Variants in NVL observed in about 807,000 individuals in gnomAD.
NVL encodes nuclear valosin-containing protein-like.
In NVL, 84 loss-of-function variants were observed where a neutral mutation model predicts 110.2. That is an observed-to-expected ratio of 0.76 (90% CI 0.64 to 0.91). NVL has a LOEUF of 0.91. NVL is among the 40% of genes least tolerant of loss of function. The probability of loss-of-function intolerance (pLI) is 0.00; values close to 1 mark genes in which losing one functional copy is unlikely to be tolerated. For missense variants in NVL, 882 were observed against 1,035.9 expected, an observed-to-expected ratio of 0.85 and a Z score of 2.04; for synonymous variants, 354 against 361.1, an observed-to-expected ratio of 0.98 and a Z score of 0.22.
intron 6 of NVL, among the ~76,000 whole-genome samples, chr1:224,307,684 G>C (rs1235682182): frequency 9.0e-6 from 1 of 111,502 alleles, no homozygotes; most frequent in East Asian, 2.7e-4. Flanking sequence ...CAGCGACAGA[G>C]CCAGACCCAG....
chr1:224,316,673 A>AAG (rs1553336869), intron 4 of NVL, among the ~76,000 whole-genome samples: 1 of 151,194 alleles, frequency 6.6e-6, no homozygotes, highest in Non-Finnish European at 1.5e-5. Flanking sequence ...AAAAAAAAAA[A>AAG]AAAAAGAAAA....
At chr1:224,305,522 T>A (rs1470490192) in intron 6 of NVL, 2 of 168,094 alleles carry the variant, frequency 1.2e-5, no homozygotes, top group Non-Finnish European at 2.5e-5. Flanking sequence ...AACATTTGAA[T>A]GCCGCTTCTT....
At position 224,300,605 on chromosome 1, in the gene NVL, C is replaced by G; in HGVS notation, c.1019G>C (p.Gly340Ala). The G allele has an allele frequency of 6.2e-7, 1 of 1,614,080 alleles. No individual in the cohort carries two copies. Among genetic ancestry groups the G allele is most frequent in the Non-Finnish European group, 8.5e-7 (1 of 1,179,952 alleles). The change falls in exon 10 of 23, where the codon GGA becomes GCA. Residue 340 changes from glycine (G) to alanine (A), a missense_variant. Coordinates refer to ENST00000281701, the MANE Select transcript of NVL (RefSeq NM_002533.4). ...AAPEIVSGVS[G>A]ESEQKLRELF... is the part of the protein sequence containing the mutation. ...TTCTCTCAGCTTCTGCTCAGACTCT[C>G]CGGATACTCCAGACACAATCTCTGG...
At chr1:224,253,677 G>A (rs892744671) in intron 18 of NVL, among the ~76,000 whole-genome samples, 1 of 146,190 alleles carries the variant, frequency 6.8e-6, no homozygotes, top group Non-Finnish European at 1.5e-5. Context: ...AGGTTGCAGT[G>A]AGCCGAGATC....
At chr1:224,237,492 AC>A (rs1383453607) in intron 19 of NVL, among the ~76,000 whole-genome samples, 2 of 152,140 alleles carry the variant, frequency 1.3e-5, no homozygotes, top group African/African-American at 4.8e-5. Flanking sequence ...AAAAAAACCA[AC>A]CCAGAATTTT....
chr1:224,282,732 TACC>T (rs1666490835), intron 15 of NVL, among the ~76,000 whole-genome samples: 1 of 152,194 alleles, frequency 6.6e-6, no homozygotes, highest in South Asian at 2.1e-4. Context: ...ATTTCAAATC[TACC>T]ACTTCTAAAA....
intron 2 of NVL, among the ~76,000 whole-genome samples, chr1:224,323,786 G>T (rs1436663727): frequency 2.6e-5 from 4 of 152,184 alleles, no homozygotes; most frequent in Non-Finnish European, 5.9e-5. Flanking sequence ...CCACCCTACG[G>T]AGCCCACAGG....
chr1:224,300,023 T>C (rs1668247491), intron 10 of NVL, among the ~76,000 whole-genome samples: 4 of 152,236 alleles, frequency 2.6e-5, no homozygotes, highest in Admixed American at 2.6e-4. Flanking sequence ...ACAGCTAATA[T>C]TTACAGGGCT....
At chr1:224,228,812 G>A (rs1311204770) in intron 22 of NVL, among the ~76,000 whole-genome samples, 4 of 148,570 alleles carry the variant, frequency 2.7e-5, no homozygotes, top group Admixed American at 6.8e-5. Flanking sequence ...GGTGGCGGGC[G>A]CCTGTAGTCC....
In NVL at chr1:224,289,682, G is replaced by A; in HGVS notation, c.1377C>T (p.Phe459=). The change falls in exon 13 of 23, where the codon TTC becomes TTT. Residue 459 remains phenylalanine (F), a synonymous_variant. Transcript: ENST00000281701. The part of the protein sequence containing the change: ...RKLRLPQAFD[F]CHLAHLTPGF... The stretch of plus-strand genomic sequence containing the variant: ...CTGGAGTTAGGTGTGCTAAGTGACA[G>A]AAATCAAAAGCTTGAGGAAGCCTCA... 6.2e-7 allele frequency: 1 copy of A among 1,614,170 alleles called. No homozygotes were observed. The highest frequency in any genetic ancestry group is 8.5e-7 in the Non-Finnish European group (1 of 1,179,996).
Position 224,274,458 on chromosome 1 carries a change from G to T in NVL, c.2082+881C>A, listed in dbSNP as rs140987034. 4.3e-3 allele frequency among the ~76,000 whole-genome samples: 635 copies of T among 148,920 alleles called. 3 individuals carry two copies. Among genetic ancestry groups the T allele is most frequent in the African/African-American group, 0.014 (576 of 40,458 alleles). On this transcript the variant is annotated intron_variant, in intron 17 of 22. Transcript: ENST00000281701. ...TCAAGACCAGCCTGACCAACATGAG[G>T]AAACCCTGTCTCTACTAAAAATACA...
intron 18 of NVL, among the ~76,000 whole-genome samples, chr1:224,252,134 T>C (rs1044582759): frequency 2.6e-5 from 4 of 152,152 alleles, no homozygotes; most frequent in African/African-American, 9.7e-5. Flanking sequence ...ATCCAGAAGC[T>C]TCTTGCCTTC....
intron 19 of NVL, among the ~76,000 whole-genome samples, chr1:224,240,775 A>C (rs1661096369): frequency 6.6e-6 from 1 of 150,552 alleles, no homozygotes; most frequent in African/African-American, 2.4e-5. Context: ...AGAAAGTAAC[A>C]AACTGTCCTT....
chr1:224,265,518 A>C (rs1664413730), intron 18 of NVL, among the ~76,000 whole-genome samples: 1 of 152,084 alleles, frequency 6.6e-6, no homozygotes, highest in African/African-American at 2.4e-5. Context: ...TAAATAAATA[A>C]ATAATAAAAT....
intron 6 of NVL, among the ~76,000 whole-genome samples, chr1:224,307,255 G>A (rs984706071): frequency 1.3e-5 from 2 of 152,162 alleles, no homozygotes; most frequent in Non-Finnish European, 2.9e-5. Context: ...CTTAGAGTTT[G>A]TAAAATTTAC....
chr1:224,227,530 G>T lies in NVL; in HGVS notation c.*96C>A. On this transcript the variant is annotated 3_prime_UTR_variant, in exon 23 of 23. Transcript: ENST00000281701. Reference sequence around the variant, plus strand: ...GAAAATAAAATGTTTACATGAGGCCGCGCCTGTGTCCAGCTGAAAGTGGGT... The same window carrying T: ...GAAAATAAAATGTTTACATGAGGCCTCGCCTGTGTCCAGCTGAAAGTGGGT... The T allele has an allele frequency of 9.7e-7, 1 of 1,032,904 alleles. No homozygotes were observed. Among genetic ancestry groups the T allele is most frequent in the Non-Finnish European group, 1.4e-6 (1 of 705,474 alleles). The allele number at this position is 1,032,904 out of a possible 1,614,324, so 64.0% of individuals were successfully genotyped here.
intron 10 of NVL, among the ~76,000 whole-genome samples, chr1:224,299,757 G>C (rs961857099): frequency 6.6e-6 from 1 of 152,154 alleles, no homozygotes; most frequent in South Asian, 2.1e-4. Context: ...TATCCTCCTA[G>C]TGTTGCCCAC....
At chr1:224,282,732 T>C (rs1259042684) in intron 15 of NVL, among the ~76,000 whole-genome samples, 1 of 152,194 alleles carries the variant, frequency 6.6e-6, no homozygotes, top group Non-Finnish European at 1.5e-5. Flanking sequence ...ATTTCAAATC[T>C]ACCACTTCTA....
intron 15 of NVL, among the ~76,000 whole-genome samples, chr1:224,284,015 T>C (rs892771287): frequency 6.6e-6 from 1 of 152,228 alleles, no homozygotes; most frequent in African/African-American, 2.4e-5. Context: ...TTCTTACAAT[T>C]CAAAATATTT....
Sources: gnomAD v4.1 joint callset for allele counts (sites outside exome capture counted in the v4.1 genomes callset) on GRCh38, gnomAD v4.1.1 for gene constraint, MANE v1.5 for transcripts, NCBI Gene and HGNC (gene_info 2026-07-23, HGNC 2026-07-21) for gene names.